The following MYCBP2 variants were observed in gnomAD, a reference collection of about 807,000 sequenced individuals.
MYCBP2 encodes the protein MYC binding protein 2.
MYCBP2 carries 120 observed loss-of-function variants against 525.3 expected under a neutral mutation model. The ratio of observed to expected loss-of-function variants is 0.23; its 90% CI spans 0.20 to 0.27. MYCBP2 has a LOEUF of 0.27. MYCBP2 is among the 10% of genes least tolerant of loss of function. MYCBP2 has a pLI of 1.00. For synonymous variants in MYCBP2, 1,894 were observed against 1,955.8 expected (o/e 0.97, Z 0.83); for missense variants, 4,149 against 5,657.1 (o/e 0.73, Z 8.55).
At chr13:77,226,310 A>G (rs1446398416) in intron 18 of MYCBP2, among the ~76,000 whole-genome samples, 1 of 152,134 alleles carries the variant, frequency 6.6e-6, no homozygotes, top group African/African-American at 2.4e-5. Flanking sequence ...TTGCAATCCA[A>G]CTTTGAATTT....
At chr13:77,179,186 TTAAAA>T (rs1275200007) in intron 34 of MYCBP2, among the ~76,000 whole-genome samples, 2 of 152,152 alleles carry the variant, frequency 1.3e-5, no homozygotes, top group Admixed American at 6.5e-5. Context: ...AGAATAGGTG[TTAAAA>T]TAAATTTTTT....
chr13:77,150,427 C>T (rs558440212), intron 47 of MYCBP2, among the ~76,000 whole-genome samples: 7 of 152,280 alleles, frequency 4.6e-5, no homozygotes, highest in African/African-American at 1.7e-4. Context: ...TAGGTGTGGG[C>T]CACTGTTCCT....
intron 20 of MYCBP2, among the ~76,000 whole-genome samples, chr13:77,223,843 T>C (rs2065906765): frequency 6.6e-6 from 1 of 152,134 alleles, no homozygotes. Flanking sequence ...CATGGCCACA[T>C]CCTGCTGCAA....
chr13:77,201,153 A>G (rs1182533261), intron 26 of MYCBP2, among the ~76,000 whole-genome samples: 1 of 151,940 alleles, frequency 6.6e-6, no homozygotes, highest in African/African-American at 2.4e-5. Flanking sequence ...AACCCATCTC[A>G]CGTGCAGAGA....
chr13:77,304,569 A>G (rs997760356), intron 1 of MYCBP2, among the ~76,000 whole-genome samples: 5 of 152,166 alleles, frequency 3.3e-5, no homozygotes, highest in Non-Finnish European at 4.4e-5. Context: ...ACAACAATGT[A>G]TTATACAACT....
At chr13:77,325,660 T>C (rs1382689315) in intron 1 of MYCBP2, among the ~76,000 whole-genome samples, 2 of 152,214 alleles carry the variant, frequency 1.3e-5, no homozygotes, top group Non-Finnish European at 2.9e-5. Context: ...TTCTGCAGTT[T>C]TCCCCTTTTC....
intron 71 of MYCBP2, among the ~76,000 whole-genome samples, chr13:77,066,545 G>A (rs2040233804): frequency 6.6e-6 from 1 of 152,184 alleles, no homozygotes; most frequent in Non-Finnish European, 1.5e-5. Context: ...AAGTAGCACT[G>A]TTCAGATGTC....
intron 1 of MYCBP2, among the ~76,000 whole-genome samples, chr13:77,297,760 C>A (rs2078349280): frequency 6.6e-6 from 1 of 152,210 alleles, no homozygotes; most frequent in South Asian, 2.1e-4. Flanking sequence ...TTATCCTTGA[C>A]ATTGCCTTCA....
At chr13:77,307,950 T>C (rs2079674004) in intron 1 of MYCBP2, among the ~76,000 whole-genome samples, 1 of 152,202 alleles carries the variant, frequency 6.6e-6, no homozygotes, top group African/African-American at 2.4e-5. Context: ...CTTAAGTCTT[T>C]ACTACATATA....
intron 2 of MYCBP2, among the ~76,000 whole-genome samples, chr13:77,289,441 A>AG (rs951747975): frequency 1.4e-4 from 21 of 152,138 alleles, no homozygotes; most frequent in African/African-American, 4.6e-4. Context: ...GTTGTAACAG[A>AG]GAAAAAATAT....
chr13:77,134,061 G>A lies in MYCBP2; in HGVS notation c.7659+5135C>T, dbSNP rs142271901. Among the ~76,000 whole-genome samples, 514 of 152,160 alleles carry A rather than the reference G, an allele frequency of 3.4e-3. 2 individuals carry two copies. Among genetic ancestry groups the A allele is most frequent in the Middle Eastern group, 6.8e-3 (2 of 294 alleles). On this transcript the variant is annotated intron_variant, in intron 52 of 82. Transcript: ENST00000544440. ...ATAAGAACTCAAATATTTACTAAAT[G>A]AGCAATTAATGAATTAATGACTATA...
intron 1 of MYCBP2, among the ~76,000 whole-genome samples, chr13:77,316,120 G>A (rs1594872131): frequency 6.6e-6 from 1 of 151,958 alleles, no homozygotes; most frequent in East Asian, 1.9e-4. Context: ...AGGGGTAGGA[G>A]AATCTAGAGA....
At chr13:77,155,804 T>C (rs921878494) in intron 46 of MYCBP2, among the ~76,000 whole-genome samples, 7 of 152,206 alleles carry the variant, frequency 4.6e-5, no homozygotes, top group African/African-American at 1.7e-4. Context: ...TTTAGATGGA[T>C]ACTTTCTTAT....
rs1403323690 is a variant in MYCBP2, at chr13:77,056,109, T to G, written c.13438-342A>C. Among the ~76,000 whole-genome samples the G allele has an allele frequency of 2.4e-3, 304 of 124,622 alleles. 2 individuals carry two copies. Among genetic ancestry groups the G allele is most frequent in the African/African-American group, 8.4e-3 (290 of 34,558 alleles). The allele number at this position is 124,622 out of a possible 152,430, so 81.8% of individuals were successfully genotyped here. ...ACACGCTCTGTGTTTGGTGTGTGTG[T>G]GTGTGTGTGTGTGTGTGTGTGTGTG... On this transcript the variant is annotated intron_variant, in intron 79 of 82. Coordinates refer to ENST00000544440, the MANE Select transcript of MYCBP2 (RefSeq NM_015057.5).
At chr13:77,209,224 G>C (rs915710280) in intron 23 of MYCBP2, among the ~76,000 whole-genome samples, 1 of 152,158 alleles carries the variant, frequency 6.6e-6, no homozygotes, top group African/African-American at 2.4e-5. Context: ...AAAAGACAAG[G>C]TTCAACCAGC....
chr13:77,319,927 G>A (rs1490504064), intron 1 of MYCBP2, among the ~76,000 whole-genome samples: 4 of 152,146 alleles, frequency 2.6e-5, no homozygotes, highest in Non-Finnish European at 5.9e-5. Flanking sequence ...CTCAAATGCA[G>A]ATGTGCACAC....
At chr13:77,052,898 GCAGACAGATTCCTTGAGCT>G (rs1470488901) in intron 80 of MYCBP2, among the ~76,000 whole-genome samples, 7 of 152,150 alleles carry the variant, frequency 4.6e-5, no homozygotes, top group Non-Finnish European at 8.8e-5. Flanking sequence ...GGAGGGTGAG[GCAGACAGATTCCTTGAGCT>G]CAGGAGTTCA....
chr13:77,239,768 C>T (rs1179184507), intron 17 of MYCBP2, among the ~76,000 whole-genome samples: 1 of 152,020 alleles, frequency 6.6e-6, no homozygotes, highest in African/African-American at 2.4e-5. Flanking sequence ...AGAACCATGG[C>T]CAGAAAGTAA....
At chr13:77,169,257 G>A (rs889185093) in intron 39 of MYCBP2, among the ~76,000 whole-genome samples, 22 of 152,060 alleles carry the variant, frequency 1.4e-4, no homozygotes, top group African/African-American at 4.3e-4. Flanking sequence ...TTAGCCGGGC[G>A]CAGTGGCGGG....
Sources: allele counts gnomAD v4.1 joint callset (sites outside exome capture counted in the v4.1 genomes callset), GRCh38; gene constraint gnomAD v4.1.1; transcripts MANE v1.5; gene names NCBI Gene and HGNC (gene_info 2026-07-23, HGNC 2026-07-21).